The following PRKCA variants were observed in gnomAD, a reference collection of about 807,000 sequenced individuals.
PRKCA encodes the protein protein kinase C alpha type.
PRKCA carries 27 observed loss-of-function variants against 87.0 expected under a neutral mutation model. The ratio of observed to expected loss-of-function variants is 0.31; its 90% CI spans 0.23 to 0.43. PRKCA has a LOEUF of 0.43. PRKCA is among the 20% of genes least tolerant of loss of function. The pLI is 1.00. For synonymous variants in PRKCA, 329 were observed against 311.1 expected (o/e 1.06, Z -0.61); for missense variants, 518 against 852.3 (o/e 0.61, Z 4.88).
chr17:66,692,086 G>A (rs1972799516), intron 8 of PRKCA, among the ~76,000 whole-genome samples: 1 of 152,246 alleles, frequency 6.6e-6, no homozygotes, highest in African/African-American at 2.4e-5. Flanking sequence ...TGGGAGGGCT[G>A]TGGACTTGGC....
At chr17:66,780,262 C>T (rs1332499997) in intron 14 of PRKCA, among the ~76,000 whole-genome samples, 1 of 152,152 alleles carries the variant, frequency 6.6e-6, no homozygotes, top group African/African-American at 2.4e-5. Context: ...GTGGATCTGT[C>T]CTGATGACGC....
At position 66,804,103 on chromosome 17, in the gene PRKCA, T is replaced by C. The variant is rs1439410144; in HGVS notation, c.*66T>C. On this transcript the variant is annotated 3_prime_UTR_variant, in exon 17 of 17. Coordinates refer to ENST00000413366, the MANE Select transcript of PRKCA (RefSeq NM_002737.3). ...CTCCCCGCAGTGGGAAGTGAATCCT[T>C]AACCCTAAAATTTTAAGGCCACGGC... is the stretch of plus-strand genomic sequence containing the variant. 1.9e-6 allele frequency: 3 copies of C among 1,545,408 alleles called. No individual in the cohort carries two copies. In the Admixed American group the frequency reaches 5.8e-5, roughly 30 times the overall value.
chr17:66,655,397 C>G (rs550340573), intron 5 of PRKCA, among the ~76,000 whole-genome samples: 1 of 152,310 alleles, frequency 6.6e-6, no homozygotes, highest in East Asian at 1.9e-4. Context: ...TGGCAGGCAA[C>G]AGCCCACCAG....
In PRKCA at chr17:66,780,188, T is replaced by G. The variant is rs187389328; in HGVS notation, c.1605+6121T>G. Among the ~76,000 whole-genome samples, 22 of 152,258 alleles carry G rather than the reference T, an allele frequency of 1.4e-4. No homozygotes were observed. The East Asian group carries it at 3.7e-3, about 25-fold the overall frequency. On this transcript the variant is annotated intron_variant, in intron 14 of 16. Coordinates refer to ENST00000413366, the MANE Select transcript of PRKCA (RefSeq NM_002737.3). ...AGAAGAAAACAATGATATGCACAGG[T>G]GTCTCTAGTAGCGTTAGTGATGAGG...
At chr17:66,339,045 A>G (rs1433329585) in intron 2 of PRKCA, among the ~76,000 whole-genome samples, 3 of 152,210 alleles carry the variant, frequency 2.0e-5, no homozygotes, top group Non-Finnish European at 4.4e-5. Flanking sequence ...GAAACTAGAT[A>G]GGTTAAGGAA....
chr17:66,450,868 T>G (rs1306464408), intron 2 of PRKCA, among the ~76,000 whole-genome samples: 3 of 152,198 alleles, frequency 2.0e-5, no homozygotes, highest in Non-Finnish European at 4.4e-5. Context: ...AGTAAAACAT[T>G]TTGGTTTTTA....
rs540171785 is a variant in PRKCA, at chr17:66,757,788, C to G, written c.1524+15028C>G. On this transcript the variant is annotated intron_variant, in intron 13 of 16. Transcript: ENST00000413366. ...CCCCCAGGCTGGAGTGCAGTGGCGC[C>G]ATCTCGGCTCACTGCAAGCTCCGCC... Among the ~76,000 whole-genome samples the G allele has an allele frequency of 3.6e-3, 546 of 152,210 alleles. 3 individuals are homozygous for G. Among genetic ancestry groups the G allele is most frequent in the African/African-American group, 0.013 (534 of 41,536 alleles).
At chr17:66,753,343 C>T (rs73331525) in intron 13 of PRKCA, among the ~76,000 whole-genome samples, 4,877 of 152,318 alleles carry the variant, frequency 0.032, 136 homozygotes, top group African/African-American at 0.071. Context: ...CTGTGAACAC[C>T]GCCCTGCTGG....
At chr17:66,622,241 C>T (rs1970707257) in intron 3 of PRKCA, among the ~76,000 whole-genome samples, 1 of 152,218 alleles carries the variant, frequency 6.6e-6, no homozygotes, top group Non-Finnish European at 1.5e-5. Flanking sequence ...AGCAGCCTTC[C>T]TGCAGACTCT....
intron 2 of PRKCA, among the ~76,000 whole-genome samples, chr17:66,489,749 T>TCCTTTC (rs1466660541): frequency 6.6e-6 from 1 of 151,894 alleles, no homozygotes; most frequent in African/African-American, 2.4e-5. Context: ...TTTCCTTCCT[T>TCCTTTC]CCTTTCCCTT....
chr17:66,306,425 A>C (rs1012284483), intron 2 of PRKCA: 3 of 305,928 alleles, frequency 9.8e-6, no homozygotes, highest in Non-Finnish European at 1.8e-5. Context: ...AAAAAATGGA[A>C]TCACTTTGTA....
chr17:66,398,066 T>A (rs1021519284), intron 2 of PRKCA: 1 of 152,190 alleles, frequency 6.6e-6, no homozygotes, highest in Non-Finnish European at 1.5e-5. Flanking sequence ...ACATGGCAAA[T>A]GCTAGCATTT....
chr17:66,501,896 T>TTTGGCTGCCATTGA (rs1339472867), intron 3 of PRKCA, among the ~76,000 whole-genome samples: 1 of 152,214 alleles, frequency 6.6e-6, no homozygotes. Flanking sequence ...CCCATGCTTC[T>TTTGGCTGCCATTGA]TTGGCTGCCA....
At chr17:66,397,185 G>A (rs771283386) in intron 2 of PRKCA, among the ~76,000 whole-genome samples, 2 of 149,400 alleles carry the variant, frequency 1.3e-5, no homozygotes, top group East Asian at 2.0e-4. Context: ...GGCTGGTCTC[G>A]AACTCCTGAC....
At chr17:66,422,318 C>T (rs2143796122) in intron 2 of PRKCA, among the ~76,000 whole-genome samples, 1 of 152,238 alleles carries the variant, frequency 6.6e-6, no homozygotes, top group South Asian at 2.1e-4. Context: ...AGTACATTGG[C>T]AGTTCTGTTT....
At chr17:66,559,302 C>G (rs1598768486) in intron 3 of PRKCA, among the ~76,000 whole-genome samples, 1 of 151,370 alleles carries the variant, frequency 6.6e-6, no homozygotes, top group African/African-American at 2.4e-5. Context: ...GAAACCCTGT[C>G]TCTCCTAAAA....
At chr17:66,623,449 CATT>C (rs1387415727) in intron 3 of PRKCA, among the ~76,000 whole-genome samples, 2 of 152,186 alleles carry the variant, frequency 1.3e-5, no homozygotes, top group Non-Finnish European at 2.9e-5. Flanking sequence ...TCACCATTGT[CATT>C]ATCTTCAGCA....
At chr17:66,531,690 G>A (rs1967548424) in intron 3 of PRKCA, among the ~76,000 whole-genome samples, 1 of 152,160 alleles carries the variant, frequency 6.6e-6, no homozygotes, top group African/African-American at 2.4e-5. Flanking sequence ...CCCTTCAAGG[G>A]TTAAATAAGC....
intron 3 of PRKCA, among the ~76,000 whole-genome samples, chr17:66,569,819 T>C (rs139674264): frequency 2.0e-5 from 3 of 152,278 alleles, no homozygotes; most frequent in Non-Finnish European, 2.9e-5. Flanking sequence ...GTATGCAAAT[T>C]GCTATAACCA....
Sources: allele counts gnomAD v4.1 joint callset (sites outside exome capture counted in the v4.1 genomes callset), GRCh38; gene constraint gnomAD v4.1.1; transcripts MANE v1.5; gene names NCBI Gene and HGNC (gene_info 2026-07-23, HGNC 2026-07-21).